The following RBM27 variants were observed in gnomAD, a reference collection of about 807,000 sequenced individuals.
The protein encoded by RBM27 is RNA binding motif protein 27.
A neutral mutation model predicts 135.3 loss-of-function variants in RBM27; 22 were observed. The observed-to-expected ratio is 0.16, with a 90% CI of 0.12 to 0.23. The LOEUF (loss-of-function observed/expected upper bound fraction) is 0.23. Among genes scored for constraint, RBM27 ranks in the 10% least tolerant of loss-of-function variants. RBM27 has a pLI of 1.00. For missense variants in RBM27, 1,009 were observed against 1,281.0 expected (o/e 0.79, Z 3.24); for synonymous variants, 481 against 442.4 (o/e 1.09, Z -1.10).
intron 10 of RBM27, among the ~76,000 whole-genome samples, chr5:146,255,555 TAA>T (rs150625127): frequency 4.6e-5 from 7 of 152,320 alleles, no homozygotes; most frequent in Non-Finnish European, 1.0e-4. Flanking sequence ...ATTACATCTT[TAA>T]GTTAGGACCT....
At chr5:146,275,759 C>T (rs1759067963) in intron 19 of RBM27, among the ~76,000 whole-genome samples, 1 of 152,176 alleles carries the variant, frequency 6.6e-6, no homozygotes, top group African/African-American at 2.4e-5. Flanking sequence ...TACTTCATCC[C>T]TGTTGAAGGG....
Position 146,269,415 on chromosome 5 carries a change from C to A in RBM27, c.2527-5C>A. 2 of 1,536,594 alleles carry A rather than the reference C, an allele frequency of 1.3e-6. No individual in the cohort carries two copies. The highest frequency in any genetic ancestry group is 1.3e-5 in the South Asian group (1 of 79,274). On this transcript the variant is annotated splice_region_variant and splice_polypyrimidine_tract_variant and intron_variant, in intron 16 of 20. Coordinates refer to ENST00000265271, the MANE Select transcript of RBM27 (RefSeq NM_018989.2). ...TGGTTTTACCTTTTTCTATTTATTTCGTAGATGTTAATATCCAAGTTAGAA... is the reference window on the plus strand; with the variant it reads ...TGGTTTTACCTTTTTCTATTTATTTAGTAGATGTTAATATCCAAGTTAGAA...
intron 15 of RBM27, among the ~76,000 whole-genome samples, chr5:146,268,414 G>T (rs1306382798): frequency 6.6e-6 from 1 of 151,738 alleles, no homozygotes; most frequent in East Asian, 1.9e-4. Context: ...GGCTAATTTT[G>T]TATTTTTAGT....
Position 146,255,849 on chromosome 5 carries a change from T to C in RBM27, c.1594+757T>C, listed in dbSNP as rs528678541. Among the ~76,000 whole-genome samples the C allele has an allele frequency of 1.1e-4, 16 of 152,150 alleles. 1 individual carries two copies. The South Asian group carries it at 1.7e-3, about 16-fold the overall frequency. On this transcript the variant is annotated intron_variant, in intron 10 of 20. Coordinates refer to ENST00000265271, the MANE Select transcript of RBM27 (RefSeq NM_018989.2). Reference sequence around the variant, plus strand: ...CCTTTTCTTCCTTTCTTTTCCTTTTTTTCTTCTTCTTCTTTTTTTTTTTTG... The same window carrying C: ...CCTTTTCTTCCTTTCTTTTCCTTTTCTTCTTCTTCTTCTTTTTTTTTTTTG...
intron 4 of RBM27, 37 bp downstream of exon 4, chr5:146,229,074 C>G (rs1416578727): frequency 6.4e-7 from 1 of 1,553,550 alleles, no homozygotes; most frequent in Non-Finnish European, 8.9e-7. Flanking sequence ...ACATTGATAA[C>G]TCACTTTTTA....
chr5:146,211,309 T>C (rs537933320), intron 1 of RBM27, among the ~76,000 whole-genome samples: 13 of 152,002 alleles, frequency 8.6e-5, no homozygotes, highest in Admixed American at 2.6e-4. Context: ...AATTGCCTAG[T>C]CTAAGGTATT....
intron 3 of RBM27, among the ~76,000 whole-genome samples, chr5:146,227,759 T>C (rs556398514): frequency 1.2e-4 from 19 of 152,116 alleles, no homozygotes; most frequent in African/African-American, 4.3e-4. Flanking sequence ...AAGAATAAAA[T>C]AAAAAAATAA....
At chr5:146,270,844 C>T (rs1000031560) in intron 17 of RBM27, 110 bp from the exon 18 acceptor site, 4 of 647,278 alleles carry the variant, frequency 6.2e-6, no homozygotes, top group Non-Finnish European at 1.1e-5. Flanking sequence ...ATTGCATCCT[C>T]TCATTCTCAT....
intron 11 of RBM27, 28 bp downstream of exon 11, chr5:146,258,621 C>G (rs1758224740): frequency 1.3e-6 from 2 of 1,501,202 alleles, no homozygotes; most frequent in East Asian, 4.9e-5. Flanking sequence ...TTAGTAGCAT[C>G]TAATTGTTAT....
At chr5:146,240,326 GTC>G (rs1344609231) in intron 8 of RBM27, among the ~76,000 whole-genome samples, 1 of 150,970 alleles carries the variant, frequency 6.6e-6, no homozygotes, top group Admixed American at 6.6e-5. Context: ...CTGTCTGTCT[GTC>G]TGTCTATCTG....
intron 19 of RBM27, among the ~76,000 whole-genome samples, chr5:146,282,851 A>G (rs981549625): frequency 2.6e-5 from 4 of 152,204 alleles, no homozygotes; most frequent in Admixed American, 6.5e-5. Flanking sequence ...GAGAATTCCT[A>G]ACTTGGTAGC....
At chr5:146,267,833 T>C in intron 15 of RBM27, 65 bp downstream of exon 15, 1 of 1,500,838 alleles carries the variant, frequency 6.7e-7, no homozygotes, top group Non-Finnish European at 9.1e-7. Context: ...AGTGGTTACA[T>C]TATCACTTTT....
rs551746869 is a variant in RBM27, at chr5:146,205,791, C to T, written c.59+1967C>T. Among the ~76,000 whole-genome samples the T allele has an allele frequency of 5.9e-5, 9 of 152,160 alleles. No individual in the cohort carries two copies. The South Asian group carries it at 1.2e-3, about 21-fold the overall frequency. ...ATCCCGACACTTTGGGGGGCCTAGG[C>T]GGGCGGATCATGAGGTCAGGAGTTC... On this transcript the variant is annotated intron_variant, in intron 1 of 20. Transcript: ENST00000265271.
Position 146,229,877 on chromosome 5 carries a change from C to T in RBM27, c.556C>T (p.Arg186Cys), listed in dbSNP as rs202070436. 32 of 1,613,638 alleles carry T rather than the reference C, an allele frequency of 2.0e-5. No individual in the cohort carries two copies. In the Admixed American group the frequency reaches 2.2e-4, roughly 11 times the overall value. Residue 186 changes from arginine (R) to cysteine (C), a missense_variant, in exon 5 of 21, where the codon CGC becomes TGC. Around this residue, in one of 6 missense-constraint regions of RBM27, gnomAD observed 268 missense variants for 326.6 expected, o/e 0.82. Transcript: ENST00000265271. ...LSRSRSRSRGRSKDRDPNRNV... is the reference protein window; with the variant it reads ...LSRSRSRSRGCSKDRDPNRNV... ...TCGCAGTAGAAGCCGAAGTAGGGGG[C>T]GCAGCAAAGACCGGGATCCAAATAG...
Position 146,233,643 on chromosome 5 carries a change from CCCAGGCCCGGGCCCAGGT to C in RBM27, c.1050_1067del (p.Pro353_Gly358del). 1 of 1,567,030 alleles carries C rather than the reference CCCAGGCCCGGGCCCAGGT, an allele frequency of 6.4e-7. No homozygotes were observed. Among genetic ancestry groups the C allele is most frequent in the Non-Finnish European group, 8.6e-7 (1 of 1,163,424 alleles). ...GCCCAGGCCCGGGCCCAGGTCCAGGCCCAGGCCCGGGCCCAGGTCCAGGTCCTGGCCATAGTATGAGAC... is the reference window on the plus strand; with the variant it reads ...GCCCAGGCCCGGGCCCAGGTCCAGGCCCAGGTCCTGGCCATAGTATGAGAC... On this transcript the variant is annotated inframe_deletion, in exon 7 of 21. Transcript: ENST00000265271.
Position 146,223,391 on chromosome 5 carries a change from T to G in RBM27, c.179-12T>G. 6.4e-7 allele frequency: 1 copy of G among 1,573,390 alleles called. No individual in the cohort carries two copies. The highest frequency in any genetic ancestry group is 1.4e-5 in the African/African-American group (1 of 72,016). On this transcript the variant is annotated splice_polypyrimidine_tract_variant and intron_variant, in intron 2 of 20. Coordinates refer to ENST00000265271, the MANE Select transcript of RBM27 (RefSeq NM_018989.2). ...GTTTGCGCAATATGTAAATGTTATT[T>G]CTTCTCCTTAGAAACTTCAGGTTTT... is the stretch of plus-strand genomic sequence containing the variant.
At chr5:146,222,963 A>G (rs1474451709) in intron 2 of RBM27, among the ~76,000 whole-genome samples, 2 of 152,148 alleles carry the variant, frequency 1.3e-5, no homozygotes, top group African/African-American at 2.4e-5. Flanking sequence ...CCGCGTTCCC[A>G]CCTAGAGTAC....
intron 10 of RBM27, among the ~76,000 whole-genome samples, chr5:146,255,751 A>G (rs548745963): frequency 3.9e-5 from 6 of 152,294 alleles, no homozygotes; most frequent in African/African-American, 9.6e-5. Flanking sequence ...TATAATTTCA[A>G]CATGAGTGAC....
intron 1 of RBM27, among the ~76,000 whole-genome samples, chr5:146,208,458 C>G (rs34812645): frequency 0.21 from 31,888 of 152,126 alleles, 4,261 homozygotes; most frequent in Admixed American, 0.33. Flanking sequence ...ACTAGTACCA[C>G]CATTTTTGTT....
Sources: gnomAD v4.1 joint callset for allele counts (sites outside exome capture counted in the v4.1 genomes callset) on GRCh38, gnomAD v4.1.1 for gene constraint, gnomAD v4.1.1 regional missense constraint, MANE v1.5 for transcripts, NCBI Gene and HGNC (gene_info 2026-07-23, HGNC 2026-07-21) for gene names.